Variants in PTPRN2 observed in about 807,000 individuals in gnomAD.
The protein encoded by PTPRN2 is receptor-type tyrosine-protein phosphatase N2.
Under a neutral mutation model 118.8 loss-of-function variants are expected in PTPRN2, and 74 were observed. The ratio of observed to expected loss-of-function variants is 0.62; its 90% CI spans 0.52 to 0.76. The LOEUF (loss-of-function observed/expected upper bound fraction) is 0.76, where lower values mean the gene tolerates loss of function less well. Among genes scored for constraint, PTPRN2 ranks in the 30% least tolerant of loss-of-function variants. PTPRN2 has a pLI of 0.00. For missense variants in PTPRN2, 1,481 were observed against 1,394.4 expected, an observed-to-expected ratio of 1.06 and a Z score of -0.99; for synonymous variants, 641 against 608.0, an observed-to-expected ratio of 1.05 and a Z score of -0.80.
intron 6 of PTPRN2, among the ~76,000 whole-genome samples, chr7:158,150,977 G>T (rs941885071): frequency 6.6e-6 from 1 of 151,808 alleles, no homozygotes; most frequent in African/African-American, 2.4e-5. Flanking sequence ...TTACAGCAAT[G>T]TCTGTTCCTC....
chr7:158,425,586 A>G (rs113506648), intron 2 of PTPRN2, among the ~76,000 whole-genome samples: 4,668 of 35,294 alleles, frequency 0.13, no homozygotes, highest in Non-Finnish European at 0.14. Context: ...AGCCTAGCTG[A>G]GGCCTGCGCA....
chr7:158,225,847 A>T (rs1051524866), intron 3 of PTPRN2, among the ~76,000 whole-genome samples: 7 of 150,722 alleles, frequency 4.6e-5, no homozygotes, highest in African/African-American at 1.7e-4. Flanking sequence ...GGGCTGTGGC[A>T]CTGAGTGGTG....
chr7:158,458,348 G>A lies in PTPRN2; in HGVS notation c.163+31387C>T, dbSNP rs560088484. Among the ~76,000 whole-genome samples the A allele has an allele frequency of 5.7e-4, 86 of 152,160 alleles. 1 individual carries two copies. The highest frequency in any genetic ancestry group is 2.1e-4 in the South Asian group (1 of 4,808). On this transcript the variant is annotated intron_variant, in intron 2 of 22. Coordinates refer to ENST00000389418, the MANE Select transcript of PTPRN2 (RefSeq NM_002847.5). ...GATGCTGACACAGGCTGAGAAGCTC[G>A]GCCCCCAGCTCCCAAAGCTTACCAC... is the stretch of plus-strand genomic sequence containing the variant.
At chr7:158,585,379 A>G (rs1288549812) in intron 1 of PTPRN2, among the ~76,000 whole-genome samples, 2 of 152,214 alleles carry the variant, frequency 1.3e-5, no homozygotes, top group Non-Finnish European at 2.9e-5. Context: ...CAATTACCTG[A>G]GAATGTAGGT....
At position 158,392,523 on chromosome 7, in the gene PTPRN2, G is replaced by A. The variant is rs548486662; in HGVS notation, c.164-75591C>T. Among the ~76,000 whole-genome samples the A allele has an allele frequency of 1.4e-4, 22 of 152,326 alleles. No homozygotes were observed. In the South Asian group the frequency reaches 3.7e-3, roughly 26 times the overall value. On this transcript the variant is annotated intron_variant, in intron 2 of 22. Transcript: ENST00000389418. Reference sequence around the variant, plus strand: ...TTCTCTTGGCCAGCAAGAGCTCCACGTGGGGGCACGGCCCCAGCAGCCAGT... The same window carrying A: ...TTCTCTTGGCCAGCAAGAGCTCCACATGGGGGCACGGCCCCAGCAGCCAGT...
At position 157,994,144 on chromosome 7, in the gene PTPRN2, C is replaced by T. The variant is rs971087783; in HGVS notation, c.1723+87154G>A. 1.2e-4 allele frequency among the ~76,000 whole-genome samples: 18 copies of T among 152,122 alleles called. 1 individual carries two copies. The highest frequency in any genetic ancestry group is 1.8e-4 in the Non-Finnish European group (12 of 68,014). ...TCCTCTTTAAATATTATTGACACAG[C>T]GATACTTCACTACAGGCCATTAATA... is the stretch of plus-strand genomic sequence containing the variant. On this transcript the variant is annotated intron_variant, in intron 11 of 22. Transcript: ENST00000389418.
chr7:158,471,734 T>C (rs1260893380), intron 2 of PTPRN2, among the ~76,000 whole-genome samples: 1 of 108,896 alleles, frequency 9.2e-6, no homozygotes, highest in Non-Finnish European at 1.9e-5. Context: ...ACTAACAAAA[T>C]TGATTTCAAG....
intron 2 of PTPRN2, among the ~76,000 whole-genome samples, chr7:158,457,996 G>T (rs2129441770): frequency 6.6e-6 from 1 of 152,342 alleles, no homozygotes; most frequent in Admixed American, 6.5e-5. Flanking sequence ...TAGAAATTGG[G>T]AGTGAGAAGA....
At chr7:158,307,276 T>C (rs193168714) in intron 3 of PTPRN2, among the ~76,000 whole-genome samples, 145 of 152,208 alleles carry the variant, frequency 9.5e-4, no homozygotes, top group African/African-American at 3.3e-3. Context: ...AATAAAAAGA[T>C]AGAAATTATA....
At chr7:158,098,502 C>T (rs1010626861) in intron 10 of PTPRN2, among the ~76,000 whole-genome samples, 1 of 152,218 alleles carries the variant, frequency 6.6e-6, no homozygotes, top group Non-Finnish European at 1.5e-5. Flanking sequence ...AGAAGCCGTC[C>T]GTGCTCAGAA....
At chr7:158,210,547 G>C (rs1462232508) in intron 3 of PTPRN2, among the ~76,000 whole-genome samples, 1 of 151,896 alleles carries the variant, frequency 6.6e-6, no homozygotes, top group East Asian at 1.9e-4. Context: ...GTTGGTTTTT[G>C]AAAAGATAAA....
At chr7:158,344,185 G>A (rs1807309308) in intron 2 of PTPRN2, among the ~76,000 whole-genome samples, 1 of 152,162 alleles carries the variant, frequency 6.6e-6, no homozygotes, top group East Asian at 1.9e-4. Flanking sequence ...TCACCCAAGA[G>A]ATACCCAGGA....
chr7:158,425,847 C>G (rs1490287728), intron 2 of PTPRN2, among the ~76,000 whole-genome samples: 7 of 128,164 alleles, frequency 5.5e-5, no homozygotes, highest in Admixed American at 7.5e-5. Context: ...GGCCTGCGCA[C>G]CGCCGGGAAA....
rs994184911 is a variant in PTPRN2 at position 157,585,179 on chromosome 7, G to A, written c.2497-7039C>T. On this transcript the variant is annotated intron_variant, in intron 17 of 22. Transcript: ENST00000389418. This position sits in a 1 kb window ranked among gnomAD's most constrained non-coding sequence, Gnocchi z 5.2. ...GCAGCGGGAGGAACCCCCCTGTGCCGCTATCAGATCGACGCCTGTGCTGCC... is the reference window on the plus strand; with the variant it reads ...GCAGCGGGAGGAACCCCCCTGTGCCACTATCAGATCGACGCCTGTGCTGCC... Among the ~76,000 whole-genome samples the A allele has an allele frequency of 3.3e-5, 5 of 152,178 alleles. No individual in the cohort carries two copies. The highest frequency in any genetic ancestry group is 2.0e-4 in the Admixed American group (3 of 15,286).
At chr7:157,896,250 G>A (rs1431192185) in intron 12 of PTPRN2, among the ~76,000 whole-genome samples, 1 of 151,732 alleles carries the variant, frequency 6.6e-6, no homozygotes, top group African/African-American at 2.4e-5. Context: ...GAGGACAGGA[G>A]GAGCTGGGAA....
At position 158,574,130 on chromosome 7, in the gene PTPRN2, T is replaced by C. The variant is rs757544986; in HGVS notation, c.112+13428A>G. ...ATCATCGTTCGGACTTTCTCAATTA[T>C]AGATTTATGCATATTTTCAGTAGTG... On this transcript the variant is annotated intron_variant, in intron 1 of 22. Coordinates refer to ENST00000389418, the MANE Select transcript of PTPRN2 (RefSeq NM_002847.5). The surrounding 1 kb of genome is among the most constrained non-coding windows in gnomAD (Gnocchi z 4.6). Among the ~76,000 whole-genome samples, 58 of 152,324 alleles carry C rather than the reference T, an allele frequency of 3.8e-4. No homozygotes were observed. The highest frequency in any genetic ancestry group is 6.9e-4 in the Non-Finnish European group (47 of 68,016).
At position 157,622,254 on chromosome 7, in the gene PTPRN2, T is replaced by C. The variant is rs1375976282; in HGVS notation, c.2197-745A>G. Reference sequence around the variant, plus strand: ...CACAGGAAGTGACGGCCTCGTCTGCTGTCACTCTGCTTGTGGATTTGCAAG... The same window carrying C: ...CACAGGAAGTGACGGCCTCGTCTGCCGTCACTCTGCTTGTGGATTTGCAAG... On this transcript the variant is annotated intron_variant, in intron 14 of 22. Transcript: ENST00000389418. The surrounding 1 kb of genome is among the most constrained non-coding windows in gnomAD (Gnocchi z 5.3). 1.3e-5 allele frequency among the ~76,000 whole-genome samples: 2 copies of C among 151,998 alleles called. No homozygotes were observed. Among genetic ancestry groups the C allele is most frequent in the Admixed American group, 1.3e-4 (2 of 15,268 alleles).
intron 12 of PTPRN2, among the ~76,000 whole-genome samples, chr7:157,725,930 G>A (rs368949569): frequency 2.0e-5 from 2 of 98,324 alleles, no homozygotes; most frequent in Admixed American, 1.9e-4. Flanking sequence ...AGAGGAGTGA[G>A]CCAGACCCTC....
intron 11 of PTPRN2, among the ~76,000 whole-genome samples, chr7:157,968,828 C>T (rs578155371): frequency 8.5e-5 from 13 of 152,110 alleles, no homozygotes; most frequent in Non-Finnish European, 1.8e-4. Flanking sequence ...AAAAAAATCC[C>T]GTTGATCCTG....
Sources: gnomAD v4.1 joint callset for allele counts (sites outside exome capture counted in the v4.1 genomes callset) on GRCh38, gnomAD v4.1.1 for gene constraint, Gnocchi (gnomAD v3.1) non-coding constraint, MANE v1.5 for transcripts, NCBI Gene and HGNC (gene_info 2026-07-23, HGNC 2026-07-21) for gene names.